The following RNF111 variants were observed in gnomAD, a reference collection of about 807,000 sequenced individuals.
RNF111 encodes E3 ubiquitin-protein ligase Arkadia.
A neutral mutation model predicts 95.1 loss-of-function variants in RNF111; 17 were observed. That is an observed-to-expected ratio of 0.18 (90% confidence interval 0.12 to 0.27). The LOEUF (loss-of-function observed/expected upper bound fraction) is 0.27. Among genes scored for constraint, RNF111 ranks in the 10% least tolerant of loss-of-function variants. RNF111 has a pLI of 1.00. For missense variants in RNF111, 1,189 were observed against 1,210.4 expected (o/e 0.98, Z 0.26); for synonymous variants, 440 against 414.8 (o/e 1.06, Z -0.74).
intron 1 of RNF111, among the ~76,000 whole-genome samples, chr15:59,016,130 C>G (rs2040053954): frequency 6.6e-6 from 1 of 150,972 alleles, no homozygotes; most frequent in South Asian, 2.1e-4. Flanking sequence ...AGTCACTGCT[C>G]CTGGCCAATT....
intron 1 of RNF111, among the ~76,000 whole-genome samples, chr15:59,017,221 C>G (rs1175846548): frequency 2.0e-5 from 3 of 151,618 alleles, no homozygotes; most frequent in African/African-American, 7.3e-5. Context: ...TTGGAAACCG[C>G]TGCTGTGTAG....
chr15:59,020,484 C>T (rs950630989), intron 1 of RNF111, among the ~76,000 whole-genome samples: 9 of 152,154 alleles, frequency 5.9e-5, no homozygotes, highest in African/African-American at 1.9e-4. Flanking sequence ...ATACACCCTT[C>T]ATTTTGCTAT....
At chr15:59,007,267 A>ATTT (rs796816598) in intron 1 of RNF111, among the ~76,000 whole-genome samples, 1 of 143,512 alleles carries the variant, frequency 7.0e-6, no homozygotes, top group African/African-American at 2.5e-5. Context: ...CCAATGTTCA[A>ATTT]TTTTTTTTTT....
At chr15:59,044,497 G>A (rs1256882647) in intron 2 of RNF111, among the ~76,000 whole-genome samples, 4 of 152,198 alleles carry the variant, frequency 2.6e-5, no homozygotes, top group African/African-American at 7.2e-5. Flanking sequence ...AAGAACTCTC[G>A]CAGAGAAACC....
intron 2 of RNF111, among the ~76,000 whole-genome samples, chr15:59,032,538 C>G (rs1457584760): frequency 6.6e-6 from 1 of 152,186 alleles, no homozygotes; most frequent in African/African-American, 2.4e-5. Context: ...CCTCCCACGT[C>G]AGCGCCTCAA....
intron 6 of RNF111, among the ~76,000 whole-genome samples, chr15:59,073,351 T>C (rs535192472): frequency 6.6e-6 from 1 of 151,942 alleles, no homozygotes; most frequent in Non-Finnish European, 1.5e-5. Flanking sequence ...CGTGGTGGCA[T>C]GCACCTGTAA....
chr15:59,091,724 A>C (rs1384701928), intron 12 of RNF111, among the ~76,000 whole-genome samples: 1 of 152,156 alleles, frequency 6.6e-6, no homozygotes, highest in Admixed American at 6.5e-5. Context: ...ACGGTCCCCA[A>C]CCTTTTTGAC....
chr15:59,031,431 T>C lies in RNF111; in HGVS notation c.609T>C (p.His203=). 6.2e-7 allele frequency: 1 copy of C among 1,614,252 alleles called. No homozygotes were observed. The highest frequency in any genetic ancestry group is 8.5e-7 in the Non-Finnish European group (1 of 1,180,052). ...TGTTAATGAAAAGACCCTGTTTACATGGCAGTTCGTTACGGAGACTTCCAT... is the reference window on the plus strand; with the variant it reads ...TGTTAATGAAAAGACCCTGTTTACACGGCAGTTCGTTACGGAGACTTCCAT... ...SGLLMKRPCL[H]GSSLRRLPCR... is the part of the protein sequence containing the mutation. The change falls in exon 2 of 14, where the codon CAT becomes CAC. Residue 203 remains histidine, a synonymous_variant. Transcript: ENST00000348370.
intron 2 of RNF111, among the ~76,000 whole-genome samples, chr15:59,032,432 G>T (rs2040957039): frequency 1.3e-5 from 2 of 151,666 alleles, no homozygotes; most frequent in African/African-American, 4.8e-5. Context: ...TTTTTCCTTT[G>T]TTTTTTTGAG....
At chr15:59,042,653 A>G (rs1022004448) in intron 2 of RNF111, among the ~76,000 whole-genome samples, 1 of 152,086 alleles carries the variant, frequency 6.6e-6, no homozygotes, top group Admixed American at 6.5e-5. Context: ...ATGTGACTAT[A>G]CAGTTGTCCC....
intron 13 of RNF111, among the ~76,000 whole-genome samples, chr15:59,093,831 GT>G: frequency 6.6e-6 from 1 of 152,108 alleles, no homozygotes; most frequent in East Asian, 1.9e-4. Context: ...GACAAATAAG[GT>G]TTTTTGCACA....
chr15:59,005,290 A>G (rs2039491192), intron 1 of RNF111, among the ~76,000 whole-genome samples: 1 of 152,186 alleles, frequency 6.6e-6, no homozygotes, highest in African/African-American at 2.4e-5. Context: ...AAGTGCTGGG[A>G]TTACAGGCAC....
At chr15:59,064,331 C>A (rs143902713) in intron 5 of RNF111, among the ~76,000 whole-genome samples, 1 of 151,784 alleles carries the variant, frequency 6.6e-6, no homozygotes, top group East Asian at 1.9e-4. Context: ...GTCAGGAGAT[C>A]GAGACCATCC....
chr15:59,058,081 A>C (rs1365281138), intron 4 of RNF111, among the ~76,000 whole-genome samples: 2 of 152,172 alleles, frequency 1.3e-5, no homozygotes, highest in African/African-American at 4.8e-5. Flanking sequence ...CAGACAACTT[A>C]TTTAGAAGCT....
At chr15:59,074,414 G>T (rs1019117410) in intron 6 of RNF111, among the ~76,000 whole-genome samples, 3 of 152,198 alleles carry the variant, frequency 2.0e-5, no homozygotes, top group Non-Finnish European at 4.4e-5. Context: ...ATCTTAGCTG[G>T]ATTTTCTAGA....
chr15:59,066,198 A>G (rs2042646010), intron 5 of RNF111, among the ~76,000 whole-genome samples: 2 of 152,236 alleles, frequency 1.3e-5, no homozygotes, highest in Non-Finnish European at 2.9e-5. Flanking sequence ...ATAGGAAAAC[A>G]TGATCTATTG....
intron 1 of RNF111, among the ~76,000 whole-genome samples, chr15:58,990,113 G>C (rs1398131151): frequency 6.6e-6 from 1 of 152,272 alleles, no homozygotes; most frequent in East Asian, 1.9e-4. Flanking sequence ...CTAGATTTTA[G>C]ATCTATCTTT....
chr15:59,047,933 A>G (rs1347532992), intron 2 of RNF111, among the ~76,000 whole-genome samples: 2 of 152,362 alleles, frequency 1.3e-5, no homozygotes, highest in East Asian at 3.9e-4. Context: ...AGCCACTGGA[A>G]CAAGTTTAAT....
chr15:59,071,298 CAA>C lies in RNF111; in HGVS notation c.1686+4233_1686+4234del, dbSNP rs35775103. Among the ~76,000 whole-genome samples the C allele has an allele frequency of 2.2e-3, 211 of 95,016 alleles. 2 individuals are homozygous for C. The highest frequency in any genetic ancestry group is 8.0e-3 in the South Asian group (23 of 2,890). 62.3% of individuals were successfully genotyped at this position (95,016 alleles called of 152,430 possible). A position where few individuals can be genotyped will look rare whatever the true frequency, so the allele number is the denominator to read the frequency against. On this transcript the variant is annotated intron_variant, in intron 6 of 13. Transcript: ENST00000348370. ...TGGGCAACAGAGCGAGACTCCATCT[CAA>C]AAAAAAAAAAAAAAAAAGAATACGA...
Sources: gnomAD v4.1 joint callset for allele counts (sites outside exome capture counted in the v4.1 genomes callset) on GRCh38, gnomAD v4.1.1 for gene constraint, MANE v1.5 for transcripts, NCBI Gene and HGNC (gene_info 2026-07-23, HGNC 2026-07-21) for gene names.